SV2C: variants seen among roughly 807,000 people sequenced by gnomAD.
SV2C encodes solute carrier family 22 member B3.
SV2C carries 49 observed loss-of-function variants against 79.7 expected under a neutral mutation model. The observed-to-expected ratio is 0.61, with a 90% CI of 0.49 to 0.78. The LOEUF is 0.78. Among genes scored for constraint, SV2C ranks in the 30% least tolerant of loss-of-function variants. The pLI is 0.00. For missense variants in SV2C, 833 were observed against 912.9 expected, an observed-to-expected ratio of 0.91 and a Z score of 1.13; for synonymous variants, 334 against 333.2, an observed-to-expected ratio of 1.00 and a Z score of -0.03.
intron 2 of SV2C, among the ~76,000 whole-genome samples, chr5:76,193,281 C>T (rs1202665389): frequency 1.3e-5 from 2 of 152,114 alleles, no homozygotes; most frequent in African/African-American, 4.8e-5. Context: ...TCTCAGGGGT[C>T]TGAAAGTCCA....
At chr5:76,083,656 G>C (rs1266495306) in intron 1 of SV2C, 144 bp downstream of exon 1, 1 of 152,426 alleles carries the variant, frequency 6.6e-6, no homozygotes, top group Admixed American at 6.5e-5. Context: ...CCTGCCCCCG[G>C]GGAAGCGGCT....
intron 1 of SV2C, among the ~76,000 whole-genome samples, chr5:76,099,924 G>A (rs1747682239): frequency 6.6e-6 from 1 of 152,194 alleles, no homozygotes; most frequent in Non-Finnish European, 1.5e-5. Flanking sequence ...ACTGAGAGTT[G>A]TGGTTAGATG....
At chr5:76,344,493 G>A (rs888850827) in intron 12 of SV2C, among the ~76,000 whole-genome samples, 1 of 152,218 alleles carries the variant, frequency 6.6e-6, no homozygotes, top group African/African-American at 2.4e-5. Flanking sequence ...CGGATCACCG[G>A]AGGTCAGGAG....
rs780963041 is a variant in SV2C at position 76,195,012 on chromosome 5, T to C, written c.674T>C (p.Met225Thr). 11 of 1,614,040 alleles carry C rather than the reference T, an allele frequency of 6.8e-6. No homozygotes were observed. The highest frequency in any genetic ancestry group is 9.3e-6 in the Non-Finnish European group (11 of 1,179,988). ...AGGAAACAGTCTCTTCTGATTTGCA[T>C]GTCTGTCAACGGATTCTTTGCCTTC... ...VGRKQSLLIC[M>T]SVNGFFAFLS... is the part of the protein sequence containing the mutation. The change falls in exon 3 of 13, where the codon ATG (methionine) becomes ACG (threonine). Residue 225 changes from methionine (M) to threonine (T), a missense_variant. Coordinates refer to ENST00000502798, the MANE Select transcript of SV2C (RefSeq NM_014979.4).
chr5:76,007,350 C>T, the SV2C span, among the ~76,000 whole-genome samples: 1 of 152,038 alleles, frequency 6.6e-6, no homozygotes, highest in Admixed American at 6.5e-5. Flanking sequence ...ACAGACTTCG[C>T]TTGAACAAAT....
At chr5:75,961,834 T>C in the SV2C span, among the ~76,000 whole-genome samples, 17,243 of 152,116 alleles carry the variant, frequency 0.11, 2,809 homozygotes, top group African/African-American at 0.36. Flanking sequence ...GTTGCAAATA[T>C]TGTGCTAATT....
chr5:75,956,675 G>T, the SV2C span, among the ~76,000 whole-genome samples: 15 of 151,908 alleles, frequency 9.9e-5, no homozygotes, highest in Admixed American at 4.6e-4. Context: ...ATCCCCGCAA[G>T]TATACTACAC....
chr5:76,014,284 G>T, the SV2C span, among the ~76,000 whole-genome samples: 3 of 145,652 alleles, frequency 2.1e-5, no homozygotes, highest in East Asian at 6.3e-4. Flanking sequence ...AAGAAAGAAA[G>T]AAATCTTTCT....
the SV2C span, among the ~76,000 whole-genome samples, chr5:76,023,704 G>A: frequency 8.1e-5 from 7 of 86,160 alleles, no homozygotes; most frequent in African/African-American, 4.2e-4. Flanking sequence ...ATATATGTAT[G>A]TATGTTTGTT....
the SV2C span, among the ~76,000 whole-genome samples, chr5:75,872,729 T>G: frequency 6.6e-6 from 1 of 152,074 alleles, no homozygotes; most frequent in Non-Finnish European, 1.5e-5. Flanking sequence ...CCAGATAGTT[T>G]GAATATAAAC....
chr5:76,304,290 T>G (rs1377884074), intron 12 of SV2C, among the ~76,000 whole-genome samples: 1 of 152,176 alleles, frequency 6.6e-6, no homozygotes, highest in East Asian at 1.9e-4. Context: ...CATGGTAAAT[T>G]CGCTAGTATG....
intron 4 of SV2C, among the ~76,000 whole-genome samples, chr5:76,248,159 C>G (rs1042465345): frequency 2.0e-5 from 3 of 152,176 alleles, no homozygotes; most frequent in African/African-American, 7.2e-5. Flanking sequence ...CATCTAGAAC[C>G]CCTCAAATGC....
the SV2C span, among the ~76,000 whole-genome samples, chr5:76,052,043 G>A: frequency 6.6e-6 from 1 of 152,076 alleles, no homozygotes; most frequent in Non-Finnish European, 1.5e-5. Flanking sequence ...GTTAAATCCA[G>A]GTCATCTCCC....
At chr5:76,129,405 T>A (rs116291246) in intron 1 of SV2C, among the ~76,000 whole-genome samples, 3 of 150,686 alleles carry the variant, frequency 2.0e-5, no homozygotes, top group Non-Finnish European at 4.4e-5. Context: ...AGAGAACTTA[T>A]ATGTGCACAT....
intron 2 of SV2C, among the ~76,000 whole-genome samples, chr5:76,132,732 G>C (rs151206586): frequency 3.3e-5 from 5 of 152,150 alleles, no homozygotes; most frequent in African/African-American, 9.6e-5. Context: ...ACAGAGATTA[G>C]TTCTGTAAAA....
intron 1 of SV2C, among the ~76,000 whole-genome samples, chr5:76,109,521 A>G (rs1040946176): frequency 6.6e-6 from 1 of 152,234 alleles, no homozygotes; most frequent in Non-Finnish European, 1.5e-5. Flanking sequence ...AAGAAATGTT[A>G]AAGTCCTAAT....
chr5:76,038,679 A>G, the SV2C span, among the ~76,000 whole-genome samples: 1 of 152,366 alleles, frequency 6.6e-6, no homozygotes, highest in Admixed American at 6.5e-5. Context: ...ATCTTAGTCT[A>G]TAAAGGACAA....
chr5:76,131,286 C>G (rs778687004), intron 1 of SV2C, among the ~76,000 whole-genome samples: 4 of 152,094 alleles, frequency 2.6e-5, no homozygotes, highest in Admixed American at 6.6e-5. Context: ...TACTATTTTT[C>G]TCAATCAAGG....
At chr5:76,046,173 T>G in the SV2C span, among the ~76,000 whole-genome samples, 1 of 152,212 alleles carries the variant, frequency 6.6e-6, no homozygotes. Flanking sequence ...ACAGGCACTC[T>G]TGATTATCAA....
Sources: allele counts gnomAD v4.1 joint callset (sites outside exome capture counted in the v4.1 genomes callset), GRCh38; gene constraint gnomAD v4.1.1; transcripts MANE v1.5; gene names NCBI Gene and HGNC (gene_info 2026-07-23, HGNC 2026-07-21).